ADAMTS19: variants seen among roughly 807,000 people sequenced by gnomAD.
ADAMTS19 encodes A disintegrin and metalloproteinase with thrombospondin motifs 19.
ADAMTS19 carries 93 observed loss-of-function variants against 153.3 expected under a neutral mutation model. That is an observed-to-expected ratio of 0.61 (90% CI 0.51 to 0.72). ADAMTS19 has a LOEUF of 0.72. Ranked by LOEUF, ADAMTS19 falls within the 30% of genes least tolerant of loss-of-function variation. The probability of loss-of-function intolerance (pLI) is 0.00; values close to 1 mark genes in which losing one functional copy is unlikely to be tolerated. For missense variants in ADAMTS19, 1,482 were observed against 1,552.1 expected (o/e 0.95, Z 0.76); for synonymous variants, 600 against 556.6 (o/e 1.08, Z -1.10).
intron 2 of ADAMTS19, among the ~76,000 whole-genome samples, chr5:129,494,938 A>G (rs1022846328): frequency 6.6e-6 from 1 of 152,110 alleles, no homozygotes; most frequent in South Asian, 2.1e-4. Flanking sequence ...AGAGTAAAAA[A>G]CCATGGGTGC....
chr5:129,723,651 A>C lies in ADAMTS19; in HGVS notation c.3313-11281A>C, dbSNP rs563987518. On this transcript the variant is annotated intron_variant, in intron 21 of 22. Transcript: ENST00000274487. ...ATTGTCACTAATGTCCAGGGCAATA[A>C]AAGATTTATTTCATTATAAAAGAAA... is the stretch of plus-strand genomic sequence containing the variant. Among the ~76,000 whole-genome samples, 4 of 152,348 alleles carry C rather than the reference A, an allele frequency of 2.6e-5. No homozygotes were observed. The South Asian group carries it at 8.3e-4, about 32-fold the overall frequency.
rs1441455817 is a variant in ADAMTS19, at chr5:129,460,334, G to T, written c.-58G>T. 4.3e-6 allele frequency: 6 copies of T among 1,383,696 alleles called. No individual in the cohort carries two copies. The highest frequency in any genetic ancestry group is 5.9e-6 in the Non-Finnish European group (6 of 1,015,074). 85.7% of individuals were successfully genotyped at this position (1,383,696 alleles called of 1,614,324 possible). A position where few individuals can be genotyped will look rare whatever the true frequency, so the allele number is the denominator to read the frequency against. ...GCTCCGGGGAGGCCGCTGCGCCCCGGAGTGGATCGCGCTGGAGGCGTGCGC... is the reference window on the plus strand; with the variant it reads ...GCTCCGGGGAGGCCGCTGCGCCCCGTAGTGGATCGCGCTGGAGGCGTGCGC... On this transcript the variant is annotated 5_prime_UTR_variant, in exon 1 of 23. Coordinates refer to ENST00000274487, the MANE Select transcript of ADAMTS19 (RefSeq NM_133638.6).
At chr5:129,602,864 C>T (rs1462070690) in intron 8 of ADAMTS19, among the ~76,000 whole-genome samples, 1 of 138,462 alleles carries the variant, frequency 7.2e-6, no homozygotes, top group African/African-American at 2.9e-5. Context: ...GTGTCTTTCA[C>T]TGTTTAACAC....
chr5:129,734,857 C>T, intron 21 of ADAMTS19, 75 bp from the exon 22 acceptor site: 1 of 1,279,818 alleles, frequency 7.8e-7, no homozygotes, highest in Non-Finnish European at 1.0e-6. Flanking sequence ...AGAGAATGTT[C>T]CCACACCCTA....
At chr5:129,630,573 C>T (rs1752242846) in intron 10 of ADAMTS19, among the ~76,000 whole-genome samples, 1 of 151,908 alleles carries the variant, frequency 6.6e-6, no homozygotes, top group South Asian at 2.1e-4. Flanking sequence ...AAAATTACAT[C>T]ATATCATAAG....
intron 2 of ADAMTS19, among the ~76,000 whole-genome samples, chr5:129,507,913 G>A (rs1751317503): frequency 6.6e-6 from 1 of 151,676 alleles, no homozygotes; most frequent in South Asian, 2.1e-4. Flanking sequence ...ACTTTATTTG[G>A]TACAGAATGC....
chr5:129,644,128 G>A (rs1752949966), intron 11 of ADAMTS19, among the ~76,000 whole-genome samples: 1 of 152,102 alleles, frequency 6.6e-6, no homozygotes, highest in South Asian at 2.1e-4. Context: ...AGTTAAAACT[G>A]TAATTACTAA....
At chr5:129,511,586 C>T (rs964073614) in intron 3 of ADAMTS19, among the ~76,000 whole-genome samples, 2 of 151,528 alleles carry the variant, frequency 1.3e-5, no homozygotes, top group South Asian at 2.1e-4. Context: ...TCAGCAATTA[C>T]ACCATAGTGT....
chr5:129,471,555 T>G (rs370233486), intron 2 of ADAMTS19, among the ~76,000 whole-genome samples: 1 of 152,158 alleles, frequency 6.6e-6, no homozygotes, highest in Admixed American at 6.5e-5. Context: ...CAAGGTACTT[T>G]TTTTTTAAAC....
chr5:129,572,253 G>A (rs1340040277), intron 7 of ADAMTS19, among the ~76,000 whole-genome samples: 1 of 151,930 alleles, frequency 6.6e-6, no homozygotes, highest in Non-Finnish European at 1.5e-5. Context: ...ACTAGGACTT[G>A]TATGCAGAAT....
At chr5:129,675,271 T>C (rs907380032) in intron 16 of ADAMTS19, among the ~76,000 whole-genome samples, 1 of 152,214 alleles carries the variant, frequency 6.6e-6, no homozygotes, top group Non-Finnish European at 1.5e-5. Flanking sequence ...TTGCATTTTT[T>C]AGATTTGTTT....
At chr5:129,557,655 C>T (rs1476713599) in intron 7 of ADAMTS19, among the ~76,000 whole-genome samples, 1 of 151,996 alleles carries the variant, frequency 6.6e-6, no homozygotes, top group African/African-American at 2.4e-5. Flanking sequence ...AAATACTAGG[C>T]TCTGATGATT....
intron 2 of ADAMTS19, among the ~76,000 whole-genome samples, chr5:129,491,610 T>A (rs923324488): frequency 6.6e-6 from 1 of 152,162 alleles, no homozygotes. Context: ...ATATTGTACA[T>A]ATTTTCTTCC....
At chr5:129,553,970 G>T (rs180721939) in intron 7 of ADAMTS19, among the ~76,000 whole-genome samples, 1 of 152,036 alleles carries the variant, frequency 6.6e-6, no homozygotes, top group East Asian at 1.9e-4. Flanking sequence ...AAAATAAGAA[G>T]TAAAAATGCA....
chr5:129,662,619 A>G (rs1753860932), intron 15 of ADAMTS19, among the ~76,000 whole-genome samples: 1 of 152,182 alleles, frequency 6.6e-6, no homozygotes, highest in African/African-American at 2.4e-5. Flanking sequence ...TACTACATCT[A>G]CTTTGTTATA....
chr5:129,529,085 C>T (rs574491406), intron 6 of ADAMTS19, among the ~76,000 whole-genome samples: 8 of 152,000 alleles, frequency 5.3e-5, no homozygotes, highest in Non-Finnish European at 1.0e-4. Context: ...ATGTGAGAAA[C>T]AATTTCAATT....
Position 129,694,862 on chromosome 5 carries a change from C to T in ADAMTS19, c.2954+7C>T. 1 of 1,575,844 alleles carries T rather than the reference C, an allele frequency of 6.3e-7. No homozygotes were observed. The highest frequency in any genetic ancestry group is 8.6e-7 in the Non-Finnish European group (1 of 1,159,976). ...AGCAACCATGTCAAACAAGGTAACT[C>T]TATTCCAAGGGCCCTTAAAGCATTA... On this transcript the variant is annotated splice_region_variant and intron_variant, in intron 19 of 22. Transcript: ENST00000274487.
At position 129,500,055 on chromosome 5, in the gene ADAMTS19, G is replaced by C. The variant is rs201373770; in HGVS notation, c.748-9022G>C. Among the ~76,000 whole-genome samples the C allele has an allele frequency of 1.1e-4, 16 of 152,020 alleles. 1 individual carries two copies. The East Asian group carries it at 2.9e-3, about 28-fold the overall frequency. ...ATTTGTAGGTTCTGAGAAGACTTCT[G>C]GTAAATTTAGTCACAAAATTCTGGA... On this transcript the variant is annotated intron_variant, in intron 2 of 22. Coordinates refer to ENST00000274487, the MANE Select transcript of ADAMTS19 (RefSeq NM_133638.6).
intron 8 of ADAMTS19, among the ~76,000 whole-genome samples, chr5:129,617,083 G>C (rs1751565992): frequency 6.6e-6 from 1 of 152,006 alleles, no homozygotes; most frequent in South Asian, 2.1e-4. Context: ...ATCATTGTCA[G>C]TGGTTAATAG....
Sources: gnomAD v4.1 joint callset for allele counts (sites outside exome capture counted in the v4.1 genomes callset) on GRCh38, gnomAD v4.1.1 for gene constraint, MANE v1.5 for transcripts, NCBI Gene and HGNC (gene_info 2026-07-23, HGNC 2026-07-21) for gene names.